Variants in PRKD1 observed in about 807,000 individuals in gnomAD.
PRKD1 encodes the protein serine/threonine-protein kinase D1.
In PRKD1, 63 loss-of-function variants were observed where a neutral mutation model predicts 95.9. The observed-to-expected ratio is 0.66, with a 90% CI of 0.54 to 0.81. PRKD1 has a LOEUF of 0.81. Among genes scored for constraint, PRKD1 ranks in the 30% least tolerant of loss-of-function variants. The pLI is 0.00. For missense variants in PRKD1, 1,048 were observed against 1,165.3 expected (o/e 0.90, Z 1.47); for synonymous variants, 425 against 423.1 (o/e 1.00, Z -0.05).
intron 4 of PRKD1, among the ~76,000 whole-genome samples, chr14:29,661,433 T>A (rs1338027176): frequency 2.0e-5 from 3 of 152,154 alleles, no homozygotes; most frequent in African/African-American, 7.2e-5. Flanking sequence ...TAAACTATAG[T>A]TATTGGTGTT....
rs141804920 is a variant in PRKD1 at position 29,927,791 on chromosome 14, G to A, written c.-279C>T. Reference sequence around the variant, plus strand: ...CCGGCTCGGGGCCGCCGGCACTGGGGAGGCGCCGCCGCCGCCAAGAATCTG... The same window carrying A: ...CCGGCTCGGGGCCGCCGGCACTGGGAAGGCGCCGCCGCCGCCAAGAATCTG... On this transcript the variant is annotated 5_prime_UTR_variant, in exon 1 of 18. Transcript: ENST00000331968. The A allele has an allele frequency of 0.2, 31,502 of 160,780 alleles. 3,892 individuals carry two copies. The highest frequency in any genetic ancestry group is 0.27 in the Middle Eastern group (96 of 356). 10.0% of individuals were successfully genotyped at this position (160,780 alleles called of 1,614,324 possible).
At chr14:29,626,695 G>T in intron 11 of PRKD1, 139 bp from the exon 12 acceptor site, 1 of 356,044 alleles carries the variant, frequency 2.8e-6, no homozygotes. Flanking sequence ...AATCTGAGAT[G>T]ACTGTAATAT....
At chr14:29,919,812 G>T (rs148456561) in intron 1 of PRKD1, among the ~76,000 whole-genome samples, 2 of 152,088 alleles carry the variant, frequency 1.3e-5, no homozygotes, top group African/African-American at 4.8e-5. Flanking sequence ...TAAAAATACA[G>T]AAAATCATCC....
intron 1 of PRKD1, among the ~76,000 whole-genome samples, chr14:29,736,320 A>G (rs1594471505): frequency 6.6e-6 from 1 of 152,230 alleles, no homozygotes; most frequent in African/African-American, 2.4e-5. Flanking sequence ...GAAACTATAT[A>G]CAATAAAACT....
intron 2 of PRKD1, among the ~76,000 whole-genome samples, chr14:29,690,139 AAAAG>A (rs137995176): frequency 0.1 from 15,487 of 152,098 alleles, 932 homozygotes; most frequent in African/African-American, 0.16. Context: ...GGAAAAAACA[AAAAG>A]AAGAAGAGAG....
At chr14:29,868,579 C>G (rs1319793125) in intron 1 of PRKD1, among the ~76,000 whole-genome samples, 1 of 152,034 alleles carries the variant, frequency 6.6e-6, no homozygotes, top group African/African-American at 2.4e-5. Context: ...ATTTAGTTTT[C>G]ATAAACTTAT....
At chr14:29,667,766 C>T (rs911788527) in intron 2 of PRKD1, among the ~76,000 whole-genome samples, 7 of 152,040 alleles carry the variant, frequency 4.6e-5, no homozygotes, top group Admixed American at 2.6e-4. Context: ...ACTATCACAA[C>T]GATTAGTTGA....
At chr14:29,815,415 T>C (rs1410977323) in intron 1 of PRKD1, among the ~76,000 whole-genome samples, 1 of 152,160 alleles carries the variant, frequency 6.6e-6, no homozygotes, top group Non-Finnish European at 1.5e-5. Flanking sequence ...GAGAGCAAGA[T>C]GGAAAACATG....
At chr14:29,854,996 T>A (rs778145675) in intron 1 of PRKD1, among the ~76,000 whole-genome samples, 1 of 152,174 alleles carries the variant, frequency 6.6e-6, no homozygotes, top group Admixed American at 6.5e-5. Flanking sequence ...AGAGGATGTA[T>A]AAAGACGCCT....
Position 29,577,442 on chromosome 14 carries a change from C to T in PRKD1, c.2535G>A (p.Trp845Ter), listed in dbSNP as rs1167272450. The change falls in exon 18 of 18, where the codon TGG (tryptophan) becomes TGA (stop). Residue 845 changes from tryptophan to a stop codon, truncating the protein, a stop_gained. Coordinates refer to ENST00000331968, the MANE Select transcript of PRKD1 (RefSeq NM_002742.3). LOFTEE classifies it high-confidence loss of function. ...TGCATTCCAGCTCTCGCAAATCTAA[C>T]CAGGTCTGATAGTCCTGAAGAAGAA... ...SHPWLQDYQTWLDLRELECKI... is the reference protein window; with the variant it reads ...SHPWLQDYQT 5 of 1,613,670 alleles carry T rather than the reference C, an allele frequency of 3.1e-6. No individual in the cohort carries two copies. The highest frequency in any genetic ancestry group is 4.2e-6 in the Non-Finnish European group (5 of 1,179,730).
intron 1 of PRKD1, among the ~76,000 whole-genome samples, chr14:29,832,398 T>A (rs186227533): frequency 2.8e-4 from 42 of 152,334 alleles, no homozygotes; most frequent in Admixed American, 2.3e-3. Flanking sequence ...ATTGACATGT[T>A]TGCATTTCTC....
At chr14:29,887,146 G>A (rs979880758) in intron 1 of PRKD1, among the ~76,000 whole-genome samples, 13 of 152,162 alleles carry the variant, frequency 8.5e-5, no homozygotes, top group African/African-American at 2.9e-4. Flanking sequence ...AAACTTTCTA[G>A]TGGTGGCTAT....
intron 1 of PRKD1, among the ~76,000 whole-genome samples, chr14:29,917,417 A>G (rs1486790494): frequency 6.6e-6 from 1 of 152,166 alleles, no homozygotes; most frequent in Non-Finnish European, 1.5e-5. Flanking sequence ...TGAAATTTAC[A>G]TCAACATAAA....
chr14:29,922,794 G>GA (rs1895167608), intron 1 of PRKD1, among the ~76,000 whole-genome samples: 1 of 152,176 alleles, frequency 6.6e-6, no homozygotes. Context: ...GCTGTGGCAG[G>GA]AGGATCACAT....
intron 16 of PRKD1, among the ~76,000 whole-genome samples, chr14:29,596,080 T>A (rs1893291234): frequency 6.6e-6 from 1 of 152,214 alleles, no homozygotes; most frequent in South Asian, 2.1e-4. Flanking sequence ...GATATATCCA[T>A]CCACCTATGA....
intron 1 of PRKD1, among the ~76,000 whole-genome samples, chr14:29,919,992 G>GAGAGA (rs200608178): frequency 6.8e-6 from 1 of 146,460 alleles, no homozygotes; most frequent in African/African-American, 2.6e-5. Flanking sequence ...GAGAAAGAGA[G>GAGAGA]GAAGGAAGGT....
intron 1 of PRKD1, among the ~76,000 whole-genome samples, chr14:29,743,077 G>A (rs953386125): frequency 6.6e-6 from 1 of 152,128 alleles, no homozygotes; most frequent in African/African-American, 2.4e-5. Flanking sequence ...GACTATAAAG[G>A]AGTCAGAGTG....
intron 1 of PRKD1, among the ~76,000 whole-genome samples, chr14:29,827,060 C>T (rs1891224826): frequency 6.6e-6 from 1 of 150,388 alleles, no homozygotes; most frequent in Non-Finnish European, 1.5e-5. Flanking sequence ...ACACAATGGA[C>T]TTTCAGGACT....
At chr14:29,631,500 C>CTTT (rs370333345) in intron 9 of PRKD1, among the ~76,000 whole-genome samples, 3 of 140,272 alleles carry the variant, frequency 2.1e-5, no homozygotes, top group African/African-American at 7.8e-5. Flanking sequence ...TTAAAATGGT[C>CTTT]TTTTTTTTTT....
Sources: allele counts gnomAD v4.1 joint callset (sites outside exome capture counted in the v4.1 genomes callset), GRCh38; gene constraint gnomAD v4.1.1; transcripts MANE v1.5; gene names NCBI Gene and HGNC (gene_info 2026-07-23, HGNC 2026-07-21).